Variants in GPR42 observed in about 807,000 individuals in gnomAD.
GPR42 encodes G protein-coupled receptor 42.
For missense variants in GPR42, 68 were observed against 311.2 expected, an observed-to-expected ratio of 0.22 and a Z score of 5.88; for synonymous variants, 28 against 140.4, an observed-to-expected ratio of 0.20 and a Z score of 5.66.
chr19:35,372,324 G>C lies in GPR42; in HGVS notation c.965G>C (p.Arg322Pro), dbSNP rs150552589. The change falls in exon 2 of 2, where the codon CGA becomes CCA. Residue 322 changes from arginine to proline, a missense_variant. Transcript: ENST00000454971. ...GGAGGGGAGGAGCAGAGAGCGGACC[G>C]ACCAGCTGAAAGAAAGACCAGTGAA... ...QKGGEEQRAD[R>P]PAERKTSEHS... 199 of 1,347,942 alleles carry C rather than the reference G, an allele frequency of 1.5e-4. 7 individuals are homozygous for C. The highest frequency in any genetic ancestry group is 1.2e-3 in the East Asian group (44 of 37,218). 83.5% of individuals were successfully genotyped at this position (1,347,942 alleles called of 1,614,324 possible).
intron 1 of GPR42, 104 bp downstream of exon 1, chr19:35,371,222 C>G (rs1161151971): frequency 2.4e-6 from 1 of 414,950 alleles, no homozygotes; most frequent in Non-Finnish European, 4.0e-6. Flanking sequence ...CAGGCTGACC[C>G]CGCCTGGAAG....
In GPR42 at chr19:35,372,916, A is replaced by G. The variant is rs2067028230; in HGVS notation, c.*516A>G. On this transcript the variant is annotated 3_prime_UTR_variant, in exon 2 of 2. Coordinates refer to ENST00000454971, the MANE Select transcript of GPR42 (RefSeq NM_001348195.2). Reference sequence around the variant, plus strand: ...TCATCAGAGACATTTATGAACAATGACAGAAGAAAAATTACCCAAATAAAT... The same window carrying G: ...TCATCAGAGACATTTATGAACAATGGCAGAAGAAAAATTACCCAAATAAAT... 1 of 181,108 alleles carries G rather than the reference A, an allele frequency of 5.5e-6. No homozygotes were observed. Among genetic ancestry groups the G allele is most frequent in the African/African-American group, 2.4e-5 (1 of 41,642 alleles). 11.2% of individuals were successfully genotyped at this position (181,108 alleles called of 1,614,324 possible).
chr19:35,371,205 A>T, intron 1 of GPR42, 87 bp downstream of exon 1: 2 of 435,200 alleles, frequency 4.6e-6, no homozygotes, highest in Non-Finnish European at 7.3e-6. Context: ...ATGCTCAGGA[A>T]GACAGGCAGG....
chr19:35,371,538 C>T lies in GPR42; in HGVS notation c.179C>T (p.Ser60Leu), dbSNP rs1599709817. 3.4e-6 allele frequency: 3 copies of T among 887,432 alleles called. 1 individual carries two copies. The highest frequency in any genetic ancestry group is 3.1e-5 in the South Asian group (2 of 63,830). The allele number at this position is 887,432 out of a possible 1,614,324, so 55.0% of individuals were successfully genotyped here. ...GTGCTCCTGCTCAACCTGACCGCCTCGGACCTGCTCCTGCTGCTGTTCCTG... is the reference window on the plus strand; with the variant it reads ...GTGCTCCTGCTCAACCTGACCGCCTTGGACCTGCTCCTGCTGCTGTTCCTG... ...VDVLLLNLTA[S>L]DLLLLLFLPF... Residue 60 changes from serine to leucine, a missense_variant, in exon 2 of 2, where the codon TCG becomes TTG. Physicochemically the swap from Ser to Leu is moderately radical, Grantham distance 145. Coordinates refer to ENST00000454971, the MANE Select transcript of GPR42 (RefSeq NM_001348195.2).
rs368116355 is a variant in GPR42, at chr19:35,371,496, G to A, written c.137G>A (p.Arg46His). 2.4e-5 allele frequency: 21 copies of A among 880,150 alleles called. 4 individuals carry two copies. The highest frequency in any genetic ancestry group is 1.0e-4 in the African/African-American group (5 of 50,038). 54.5% of individuals were successfully genotyped at this position (880,150 alleles called of 1,614,324 possible). A position where few individuals can be genotyped will look rare whatever the true frequency, so the allele number is the denominator to read the frequency against. ...GTCTTCGTGGGCAAGCTGCGGTGCCGCCCGGTGGCCGTGGACGTGCTCCTG... is the reference window on the plus strand; with the variant it reads ...GTCTTCGTGGGCAAGCTGCGGTGCCACCCGGTGGCCGTGGACGTGCTCCTG... Reference protein sequence around the residue: ...LVVFVGKLRCRPVAVDVLLLN... With the variant: ...LVVFVGKLRCHPVAVDVLLLN... Residue 46 changes from arginine to histidine, a missense_variant, in exon 2 of 2, where the codon CGC (arginine) becomes CAC (histidine). Coordinates refer to ENST00000454971, the MANE Select transcript of GPR42 (RefSeq NM_001348195.2).
Position 35,371,655 on chromosome 19 carries a change from T to C in GPR42, c.296T>C (p.Ile99Thr). 1 of 701,016 alleles carries C rather than the reference T, an allele frequency of 1.4e-6. No individual in the cohort carries two copies. The highest frequency in any genetic ancestry group is 2.1e-6 in the Non-Finnish European group (1 of 483,022). The allele number at this position is 701,016 out of a possible 1,614,324, so 43.4% of individuals were successfully genotyped here. ...PLSGFIFFTTIYLTALFLAAV... is the reference protein window; with the variant it reads ...PLSGFIFFTTTYLTALFLAAV... ...TCTGGATTCATCTTCTTCACCACCA[T>C]CTATCTCACCGCCCTCTTCCTGGCA... The change falls in exon 2 of 2, where the codon ATC (isoleucine) becomes ACC (threonine). Residue 99 changes from isoleucine (I) to threonine (T), a missense_variant. Ile to Thr is a moderately conservative substitution (Grantham distance 89). Coordinates refer to ENST00000454971, the MANE Select transcript of GPR42 (RefSeq NM_001348195.2).
rs2067026138 is a variant in GPR42 at position 35,372,425 on chromosome 19, C to T, written c.*25C>T. On this transcript the variant is annotated 3_prime_UTR_variant, in exon 2 of 2. Coordinates refer to ENST00000454971, the MANE Select transcript of GPR42 (RefSeq NM_001348195.2). Reference sequence around the variant, plus strand: ...GGTCCTCCGGGGGAGGAGGGTGTAGCTGGCGTGTCATCCTCAGGGCGCTTC... The same window carrying T: ...GGTCCTCCGGGGGAGGAGGGTGTAGTTGGCGTGTCATCCTCAGGGCGCTTC... The T allele has an allele frequency of 2.1e-6, 3 of 1,445,542 alleles. No individual in the cohort carries two copies. Among genetic ancestry groups the T allele is most frequent in the Non-Finnish European group, 2.9e-6 (3 of 1,050,824 alleles). The allele number at this position is 1,445,542 out of a possible 1,614,324, so 89.5% of individuals were successfully genotyped here. A position where few individuals can be genotyped will look rare whatever the true frequency, so the allele number is the denominator to read the frequency against.
In GPR42 at chr19:35,371,364, A is replaced by T; in HGVS notation, c.5A>T (p.Asp2Val). Residue 2 changes from aspartate to valine, a missense_variant, in exon 2 of 2, where the codon GAT becomes GTT. Coordinates refer to ENST00000454971, the MANE Select transcript of GPR42 (RefSeq NM_001348195.2). M[D>V]TGPDQSYFSG... is the part of the protein sequence containing the mutation. ...CTCTCACCAGTGGCCACCACCATGG[A>T]TACAGGCCCCGACCAGTCCTACTTC... is the stretch of plus-strand genomic sequence containing the variant. 1 of 714,876 alleles carries T rather than the reference A, an allele frequency of 1.4e-6. No homozygotes were observed. Among genetic ancestry groups the T allele is most frequent in the South Asian group, 1.8e-5 (1 of 56,622 alleles). 44.3% of individuals were successfully genotyped at this position (714,876 alleles called of 1,614,324 possible). A position where few individuals can be genotyped will look rare whatever the true frequency, so the allele number is the denominator to read the frequency against.
rs530159520 is a variant in GPR42 at position 35,371,572 on chromosome 19, C to T, written c.213C>T (p.Arg71=). Reference sequence around the variant, plus strand: ...TCCTGCTGCTGTTCCTGCCTTTCCGCATGGTGGAGGCAGCCAATGGCATGC... The same window carrying T: ...TCCTGCTGCTGTTCCTGCCTTTCCGTATGGTGGAGGCAGCCAATGGCATGC... ...DLLLLLFLPF[R]MVEAANGMHW... is the part of the protein sequence containing the mutation. The change falls in exon 2 of 2, where the codon CGC becomes CGT. Residue 71 remains arginine, a synonymous_variant. Transcript: ENST00000454971. 81 of 847,746 alleles carry T rather than the reference C, an allele frequency of 9.6e-5. 7 individuals are homozygous for T. The highest frequency in any genetic ancestry group is 2.5e-4 in the South Asian group (16 of 62,858). The allele number at this position is 847,746 out of a possible 1,614,324, so 52.5% of individuals were successfully genotyped here.
chr19:35,371,234 C>T, intron 1 of GPR42, 115 bp from the exon 2 acceptor site: 1 of 403,290 alleles, frequency 2.5e-6, no homozygotes, highest in Admixed American at 5.3e-5. Context: ...GCCTGGAAGG[C>T]ACCCAGAGAC....
rs147426877 is a variant in GPR42 at position 35,371,589 on chromosome 19, A to G, written c.230A>G (p.Asn77Ser). ...CCTTTCCGCATGGTGGAGGCAGCCA[A>G]TGGCATGCACTGGCCCCTGCCCTTC... ...FLPFRMVEAANGMHWPLPFIL... is the reference protein window; with the variant it reads ...FLPFRMVEAASGMHWPLPFIL... Residue 77 changes from asparagine (N) to serine (S), a missense_variant, in exon 2 of 2, where the codon AAT becomes AGT. Physicochemically the swap from Asn to Ser is conservative, Grantham distance 46. Transcript: ENST00000454971. 5.1e-3 allele frequency: 4,094 copies of G among 810,328 alleles called. 459 individuals are homozygous for G. The highest frequency in any genetic ancestry group is 6.1e-3 in the Non-Finnish European group (3,525 of 573,524). 50.2% of individuals were successfully genotyped at this position (810,328 alleles called of 1,614,324 possible).
chr19:35,371,268 C>T (rs1380223374), intron 1 of GPR42, 81 bp from the exon 2 acceptor site: 34 of 434,354 alleles, frequency 7.8e-5, no homozygotes, highest in Non-Finnish European at 7.5e-5. Flanking sequence ...GTAGTGACCT[C>T]GTGCCCTTTT....
chr19:35,372,322 C>T lies in GPR42; in HGVS notation c.963C>T (p.Asp321=). The change falls in exon 2 of 2, where the codon GAC becomes GAT. Residue 321 remains aspartate (D), a synonymous_variant. Coordinates refer to ENST00000454971, the MANE Select transcript of GPR42 (RefSeq NM_001348195.2). Reference sequence around the variant, plus strand: ...AGGGAGGGGAGGAGCAGAGAGCGGACCGACCAGCTGAAAGAAAGACCAGTG... The same window carrying T: ...AGGGAGGGGAGGAGCAGAGAGCGGATCGACCAGCTGAAAGAAAGACCAGTG... The part of the protein sequence containing the change: ...EQKGGEEQRA[D]RPAERKTSEH... 1 of 1,347,190 alleles carries T rather than the reference C, an allele frequency of 7.4e-7. No homozygotes were observed. The highest frequency in any genetic ancestry group is 1.0e-6 in the Non-Finnish European group (1 of 972,376). The allele number at this position is 1,347,190 out of a possible 1,614,324, so 83.5% of individuals were successfully genotyped here. A position where few individuals can be genotyped will look rare whatever the true frequency, so the allele number is the denominator to read the frequency against.
At position 35,372,408 on chromosome 19, in the gene GPR42, G is replaced by A. The variant is rs753810375; in HGVS notation, c.*8G>A. ...GCCTGTGCTGAAAACTAGGTCCTCC[G>A]GGGGAGGAGGGTGTAGCTGGCGTGT... On this transcript the variant is annotated 3_prime_UTR_variant, in exon 2 of 2. Transcript: ENST00000454971. The A allele has an allele frequency of 7.2e-5, 105 of 1,455,366 alleles. 9 individuals carry two copies. Among genetic ancestry groups the A allele is most frequent in the Middle Eastern group, 1.7e-4 (1 of 5,946 alleles). 90.2% of individuals were successfully genotyped at this position (1,455,366 alleles called of 1,614,324 possible).
Position 35,371,488 on chromosome 19 carries a change from G to A in GPR42, c.129G>A (p.Leu43=). Residue 43 remains leucine, a synonymous_variant, in exon 2 of 2, where the codon CTG becomes CTA. Transcript: ENST00000454971. ...LLALVVFVGK[L]RCRPVAVDVL... is the part of the protein sequence containing the mutation. ...CCCTGGTGGTCTTCGTGGGCAAGCT[G>A]CGGTGCCGCCCGGTGGCCGTGGACG... 1.1e-6 allele frequency: 1 copy of A among 882,448 alleles called. No individual in the cohort carries two copies. Among genetic ancestry groups the A allele is most frequent in the Non-Finnish European group, 1.6e-6 (1 of 627,746 alleles). 54.7% of individuals were successfully genotyped at this position (882,448 alleles called of 1,614,324 possible). A position where few individuals can be genotyped will look rare whatever the true frequency, so the allele number is the denominator to read the frequency against.
chr19:35,371,848 G>A lies in GPR42; in HGVS notation c.489G>A (p.Gln163=). Residue 163 remains glutamine, a synonymous_variant, in exon 2 of 2, where the codon CAG becomes CAA. Coordinates refer to ENST00000454971, the MANE Select transcript of GPR42 (RefSeq NM_001348195.2). Reference sequence around the variant, plus strand: ...TCTCAGGGGACATCTCCCACAGCCAGGGCACCAATGGGACCTGCTACCTGG... The same window carrying A: ...TCTCAGGGGACATCTCCCACAGCCAAGGCACCAATGGGACCTGCTACCTGG... ...IEFSGDISHS[Q]GTNGTCYLEF... 1.1e-6 allele frequency: 1 copy of A among 881,506 alleles called. No individual in the cohort carries two copies. The highest frequency in any genetic ancestry group is 1.5e-6 in the Non-Finnish European group (1 of 646,588). The allele number at this position is 881,506 out of a possible 1,614,324, so 54.6% of individuals were successfully genotyped here. A position where few individuals can be genotyped will look rare whatever the true frequency, so the allele number is the denominator to read the frequency against.
At position 35,372,524 on chromosome 19, in the gene GPR42, G is replaced by A. The variant is rs947018670; in HGVS notation, c.*124G>A. The A allele has an allele frequency of 3.9e-5, 23 of 582,832 alleles. No individual in the cohort carries two copies. The highest frequency in any genetic ancestry group is 6.9e-5 in the Non-Finnish European group (22 of 319,120). 36.1% of individuals were successfully genotyped at this position (582,832 alleles called of 1,614,324 possible). A position where few individuals can be genotyped will look rare whatever the true frequency, so the allele number is the denominator to read the frequency against. ...GGCTTGGGGGCAGAGTAGACATCTA[G>A]CCTCCCTAAGGGTATGCGCGCTAAA... On this transcript the variant is annotated 3_prime_UTR_variant, in exon 2 of 2. Transcript: ENST00000454971.
intron 1 of GPR42, 96 bp from the exon 2 acceptor site, chr19:35,371,253 T>C: frequency 2.4e-6 from 1 of 411,994 alleles, no homozygotes; most frequent in South Asian, 2.6e-5. Flanking sequence ...ACAAGAGGGG[T>C]GGGCGTAGTG....
At position 35,371,596 on chromosome 19, in the gene GPR42, G is replaced by A; in HGVS notation, c.237G>A (p.Met79Ile). ...GCATGGTGGAGGCAGCCAATGGCATGCACTGGCCCCTGCCCTTCATCCTCT... is the reference window on the plus strand; with the variant it reads ...GCATGGTGGAGGCAGCCAATGGCATACACTGGCCCCTGCCCTTCATCCTCT... ...PFRMVEAANG[M>I]HWPLPFILCP... Residue 79 changes from methionine to isoleucine, a missense_variant, in exon 2 of 2, where the codon ATG (methionine) becomes ATA (isoleucine). Met to Ile is a conservative substitution (Grantham distance 10). Coordinates refer to ENST00000454971, the MANE Select transcript of GPR42 (RefSeq NM_001348195.2). The A allele has an allele frequency of 1.3e-6, 1 of 794,150 alleles. No individual in the cohort carries two copies. The highest frequency in any genetic ancestry group is 1.8e-6 in the Non-Finnish European group (1 of 558,790). 49.2% of individuals were successfully genotyped at this position (794,150 alleles called of 1,614,324 possible).
Sources: gnomAD v4.1 joint callset for allele counts on GRCh38, gnomAD v4.1.1 for gene constraint, MANE v1.5 for transcripts, NCBI Gene and HGNC (gene_info 2026-07-23, HGNC 2026-07-21) for gene names.